The following PXK variants were observed in gnomAD, a reference collection of about 807,000 sequenced individuals.
The protein encoded by PXK is PX domain containing serine/threonine kinase like, also known as PX domain-containing protein kinase-like protein.
In PXK, 35 loss-of-function variants were observed where a neutral mutation model predicts 84.7. The observed-to-expected ratio is 0.41, with a 90% CI of 0.32 to 0.55. The LOEUF (loss-of-function observed/expected upper bound fraction) is 0.55. Ranked by LOEUF, PXK falls within the 20% of genes least tolerant of loss-of-function variation. PXK has a pLI of 0.21. For synonymous variants in PXK, 253 were observed against 260.8 expected, an observed-to-expected ratio of 0.97 and a Z score of 0.29; for missense variants, 634 against 699.7, an observed-to-expected ratio of 0.91 and a Z score of 1.06.
chr3:58,418,405 A>T (rs567490864), intron 17 of PXK, among the ~76,000 whole-genome samples: 1 of 152,302 alleles, frequency 6.6e-6, no homozygotes, highest in South Asian at 2.1e-4. Flanking sequence ...TAGAGCCAGG[A>T]GTGTAACTTG....
At chr3:58,343,690 TTATTGTC>T (rs2097772351) in intron 1 of PXK, among the ~76,000 whole-genome samples, 1 of 152,226 alleles carries the variant, frequency 6.6e-6, no homozygotes, top group Non-Finnish European at 1.5e-5. Flanking sequence ...AATCCAGACT[TTATTGTC>T]TATGTATTGC....
chr3:58,354,242 A>G (rs554670207), intron 1 of PXK, among the ~76,000 whole-genome samples: 81 of 152,246 alleles, frequency 5.3e-4, no homozygotes, highest in African/African-American at 1.8e-3. Context: ...AGCCACCACT[A>G]CAGAGCCCAG....
Position 58,416,453 on chromosome 3 carries a change from A to G in PXK, c.1528+3490A>G, listed in dbSNP as rs2060973834. Among the ~76,000 whole-genome samples the G allele has an allele frequency of 1.3e-5, 2 of 152,180 alleles. 1 individual carries two copies. Among genetic ancestry groups the G allele is most frequent in the South Asian group, 4.1e-4 (2 of 4,830 alleles). On this transcript the variant is annotated intron_variant, in intron 17 of 17. Coordinates refer to ENST00000356151, the MANE Select transcript of PXK (RefSeq NM_017771.5). This position sits in a 1 kb window ranked among gnomAD's most constrained non-coding sequence, Gnocchi z 4.8. ...GACAAAAAGGGTATGATCTAACCCC[A>G]GCAAGGCCTGTTTGTTCAGATTCTG... is the stretch of plus-strand genomic sequence containing the variant.
Position 58,424,850 on chromosome 3 carries a change from G to T in PXK, c.1627G>T (p.Ala543Ser). The change falls in exon 18 of 18, where the codon GCT becomes TCT. Residue 543 changes from alanine (A) to serine (S), a missense_variant. Physicochemically the swap from Ala to Ser is moderately conservative, Grantham distance 99. Around this residue, in one of 3 missense-constraint regions of PXK, gnomAD observed 273 missense variants for 283.6 expected, o/e 0.96. Transcript: ENST00000356151. ...TEAPAQLSSQ[A>S]VNGMSRGALL... ...GGCACCTGCCCAGCTCTCGTCTCAG[G>T]CTGTGAATGGCATGAGCCGAGGGGC... 2 of 1,614,222 alleles carry T rather than the reference G, an allele frequency of 1.2e-6. No homozygotes were observed. Among genetic ancestry groups the T allele is most frequent in the Non-Finnish European group, 1.7e-6 (2 of 1,180,032 alleles).
At chr3:58,359,014 C>G (rs888100194) in intron 1 of PXK, among the ~76,000 whole-genome samples, 3 of 152,150 alleles carry the variant, frequency 2.0e-5, no homozygotes, top group Admixed American at 2.0e-4. Flanking sequence ...ATGCACTTTT[C>G]TGTTGAGAAT....
chr3:58,391,789 A>G lies in PXK; in HGVS notation c.557A>G (p.Asp186Gly), dbSNP rs1286199282. 1 of 1,613,610 alleles carries G rather than the reference A, an allele frequency of 6.2e-7. No homozygotes were observed. Among genetic ancestry groups the G allele is most frequent in the East Asian group, 2.2e-5 (1 of 44,866 alleles). The part of the protein sequence containing the change: ...LVLSWADLGP[D>G]KYLSDKDFQC... ...TGTTTTCAGGCTGACCTTGGCCCAG[A>G]CAAGTATTTGTCAGATAAAGATTTT... The change falls in exon 7 of 18, where the codon GAC becomes GGC. Residue 186 changes from aspartate (D) to glycine (G), a missense_variant. Physicochemically the swap from Asp to Gly is moderately conservative, Grantham distance 94. Around this residue, in one of 3 missense-constraint regions of PXK, gnomAD observed 353 missense variants for 385.2 expected, o/e 0.92. Transcript: ENST00000356151.
At chr3:58,344,650 C>A (rs562011949) in intron 1 of PXK, among the ~76,000 whole-genome samples, 59 of 152,232 alleles carry the variant, frequency 3.9e-4, no homozygotes, top group African/African-American at 1.3e-3. Flanking sequence ...ATGGTGAAAC[C>A]CCATCTCTAC....
At chr3:58,392,108 C>T (rs974901926) in intron 7 of PXK, among the ~76,000 whole-genome samples, 6 of 152,216 alleles carry the variant, frequency 3.9e-5, no homozygotes, top group Non-Finnish European at 7.3e-5. Flanking sequence ...GAAGCAGCTA[C>T]TTCTCCCAGC....
chr3:58,368,977 A>G (rs1002179674), intron 2 of PXK, among the ~76,000 whole-genome samples: 1 of 152,210 alleles, frequency 6.6e-6, no homozygotes, highest in African/African-American at 2.4e-5. Context: ...AATGCAGTCC[A>G]GTCTCCAGGG....
rs956761113 is a variant in PXK, at chr3:58,416,353, C to T, written c.1528+3390C>T. ...TTCTTAAAGGAACATTTGGATTTTC[C>T]CTTATTTCCATGCCTTGAGGTTTAC... On this transcript the variant is annotated intron_variant, in intron 17 of 17. Transcript: ENST00000356151. This position sits in a 1 kb window ranked among gnomAD's most constrained non-coding sequence, Gnocchi z 4.8. 1.3e-5 allele frequency among the ~76,000 whole-genome samples: 2 copies of T among 152,142 alleles called. No individual in the cohort carries two copies. The highest frequency in any genetic ancestry group is 2.9e-5 in the Non-Finnish European group (2 of 68,032).
intron 1 of PXK, among the ~76,000 whole-genome samples, chr3:58,347,264 A>C (rs1441338091): frequency 6.6e-6 from 1 of 152,194 alleles, no homozygotes; most frequent in Non-Finnish European, 1.5e-5. Flanking sequence ...ACTTTGTTGA[A>C]GTAAAATTTA....
chr3:58,336,227 C>T (rs36037390), intron 1 of PXK, among the ~76,000 whole-genome samples: 12,095 of 151,214 alleles, frequency 0.08, 582 homozygotes, highest in South Asian at 0.1. Context: ...CCACCTATAA[C>T]AGAAATGATT....
At chr3:58,360,981 A>G (rs556962966) in intron 1 of PXK, among the ~76,000 whole-genome samples, 24 of 151,952 alleles carry the variant, frequency 1.6e-4, no homozygotes, top group African/African-American at 4.8e-4. Flanking sequence ...CTTAATAATT[A>G]TTACCTGGGG....
chr3:58,399,366 C>T lies in PXK; in HGVS notation c.1170C>T (p.Leu390=). The part of the protein sequence containing the change: ...CKNGMPTISR[L]LQMPLFSDVL... ...ATGGCATGCCTACCATCTCCCGGCT[C>T]TTACAGATGCCGTAAGTCAATCATA... is the stretch of plus-strand genomic sequence containing the variant. Residue 390 remains leucine (L), a synonymous_variant, in exon 12 of 18, where the codon CTC becomes CTT. Transcript: ENST00000356151. This position sits in a 1 kb window ranked among gnomAD's most constrained non-coding sequence, Gnocchi z 4.3. 1 of 1,613,220 alleles carries T rather than the reference C, an allele frequency of 6.2e-7. No homozygotes were observed. The highest frequency in any genetic ancestry group is 2.2e-5 in the East Asian group (1 of 44,874).
In PXK at chr3:58,400,354, T is replaced by C. The variant is rs2058368520; in HGVS notation, c.1181+977T>C. On this transcript the variant is annotated intron_variant, in intron 12 of 17. Coordinates refer to ENST00000356151, the MANE Select transcript of PXK (RefSeq NM_017771.5). The surrounding 1 kb of genome is among the most constrained non-coding windows in gnomAD (Gnocchi z 4.0). ...CTGCACCAGCGTATTATATAACAGA[T>C]ATACTCTGAAAACAATAATATGGGG... 6.6e-6 allele frequency among the ~76,000 whole-genome samples: 1 copy of C among 152,284 alleles called. No individual in the cohort carries two copies. The highest frequency in any genetic ancestry group is 2.4e-5 in the African/African-American group (1 of 41,572).
chr3:58,403,893 GA>G lies in PXK; in HGVS notation c.1218del (p.Lys406AsnfsTer10). 1 of 1,540,348 alleles carries G rather than the reference GA, an allele frequency of 6.5e-7. No homozygotes were observed. Among genetic ancestry groups the G allele is most frequent in the Non-Finnish European group, 8.8e-7 (1 of 1,132,976 alleles). ...CAGCGATGTTTTACTAACCACTTCT[GA>G]AAAACCACAGTTTAAGGTAAAGACA... is the stretch of plus-strand genomic sequence containing the variant. The part of the protein sequence containing the change: ...LFSDVLLTTS[E>X]KPQFKIPTKL... On this transcript the variant is annotated frameshift_variant, in exon 13 of 18. Coordinates refer to ENST00000356151, the MANE Select transcript of PXK (RefSeq NM_017771.5). LOFTEE classifies it high-confidence loss of function.
At position 58,397,499 on chromosome 3, in the gene PXK, G is replaced by A. The variant is rs975698537; in HGVS notation, c.985-106G>A. The A allele has an allele frequency of 2.0e-5, 20 of 978,082 alleles. No homozygotes were observed. The highest frequency in any genetic ancestry group is 2.4e-4 in the Middle Eastern group (1 of 4,150). 60.6% of individuals were successfully genotyped at this position (978,082 alleles called of 1,614,324 possible). ...TGCATTTACGTTACCAATTAGGAAC[G>A]GGGCTATCCCTGGGCTTTGTTTCTC... is the stretch of plus-strand genomic sequence containing the variant. On this transcript the variant is annotated intron_variant, in intron 10 of 17. Coordinates refer to ENST00000356151, the MANE Select transcript of PXK (RefSeq NM_017771.5). This position sits in a 1 kb window ranked among gnomAD's most constrained non-coding sequence, Gnocchi z 4.7.
chr3:58,364,477 C>T lies in PXK; in HGVS notation c.103-1397C>T, dbSNP rs376267245. 3.0e-4 allele frequency among the ~76,000 whole-genome samples: 46 copies of T among 152,088 alleles called. No homozygotes were observed. Among genetic ancestry groups the T allele is most frequent in the Admixed American group, 1.9e-3 (29 of 15,264 alleles). ...CTGTAATCCCAGCACTTTGGGAGGCCGAGGTGGGCGGATTACTTGAGGTCA... is the reference window on the plus strand; with the variant it reads ...CTGTAATCCCAGCACTTTGGGAGGCTGAGGTGGGCGGATTACTTGAGGTCA... On this transcript the variant is annotated intron_variant, in intron 1 of 17. Transcript: ENST00000356151. The surrounding 1 kb of genome is among the most constrained non-coding windows in gnomAD (Gnocchi z 4.3).
chr3:58,382,962 G>C (rs529050550), intron 4 of PXK, among the ~76,000 whole-genome samples: 8 of 152,300 alleles, frequency 5.3e-5, no homozygotes, highest in African/African-American at 1.4e-4. Context: ...TTATACTCTT[G>C]CCTTTATTGT....
Sources: allele counts gnomAD v4.1 joint callset (sites outside exome capture counted in the v4.1 genomes callset), GRCh38; gene constraint gnomAD v4.1.1; regional missense constraint gnomAD v4.1.1; non-coding constraint Gnocchi (gnomAD v3.1); transcripts MANE v1.5; gene names NCBI Gene and HGNC (gene_info 2026-07-23, HGNC 2026-07-21).